PPP1R8: variants seen among roughly 807,000 people sequenced by gnomAD.
PPP1R8 encodes the protein protein phosphatase 1 regulatory subunit 8, also known as nuclear inhibitor of protein phosphatase 1.
In PPP1R8, 4 loss-of-function variants were observed where a neutral mutation model predicts 31.3. The observed-to-expected ratio is 0.13, with a 90% CI of 0.06 to 0.29. The LOEUF is 0.29. Among genes scored for constraint, PPP1R8 ranks in the 10% least tolerant of loss-of-function variants. PPP1R8 has a pLI of 1.00. For synonymous variants in PPP1R8, 170 were observed against 169.7 expected (o/e 1.00, Z -0.01); for missense variants, 254 against 440.1 (o/e 0.58, Z 3.78).
In PPP1R8 at chr1:27,844,038, T is replaced by G. The variant is rs1427246548; in HGVS notation, c.637+708T>G. Among the ~76,000 whole-genome samples, 4 of 152,258 alleles carry G rather than the reference T, an allele frequency of 2.6e-5. No homozygotes were observed. In the East Asian group the frequency reaches 7.7e-4, roughly 29 times the overall value. ...GTGTGTGTGAGACACGATCTCATTC[T>G]GTCGCCCAGGCTAGAGTGCAGTGGC... On this transcript the variant is annotated intron_variant, in intron 5 of 6. Transcript: ENST00000311772.
Position 27,850,197 on chromosome 1 carries a change from C to T in PPP1R8, c.807C>T (p.Pro269=), listed in dbSNP as rs150551499. 1,783 of 1,614,196 alleles carry T rather than the reference C, an allele frequency of 1.1e-3. 3 individuals are homozygous for T. The highest frequency in any genetic ancestry group is 1.3e-3 in the Middle Eastern group (8 of 6,062). ...GAGGACTCTACGGGGGCCTGCCCCCCACACACAGTGAAGCAGGCTCCCAGC... is the reference window on the plus strand; with the variant it reads ...GAGGACTCTACGGGGGCCTGCCCCCTACACACAGTGAAGCAGGCTCCCAGC... ...FSGGLYGGLP[P]THSEAGSQPH... Residue 269 remains proline (P), a synonymous_variant, in exon 7 of 7, where the codon CCC becomes CCT. Coordinates refer to ENST00000311772, the MANE Select transcript of PPP1R8 (RefSeq NM_014110.5).
At chr1:27,849,323 A>T (rs1451392681) in intron 6 of PPP1R8, among the ~76,000 whole-genome samples, 1 of 149,914 alleles carries the variant, frequency 6.7e-6, no homozygotes, top group East Asian at 2.0e-4. Flanking sequence ...GTGAGCTGAG[A>T]TCGAGCCATT....
At position 27,850,118 on chromosome 1, in the gene PPP1R8, C is replaced by T; in HGVS notation, c.728C>T (p.Ser243Phe). The T allele has an allele frequency of 6.3e-7, 1 of 1,590,754 alleles. No individual in the cohort carries two copies. Among genetic ancestry groups the T allele is most frequent in the Non-Finnish European group, 8.6e-7 (1 of 1,166,588 alleles). ...AAGAAGCGTGTGGAGGGCCCTGGCTCCCTGGGCCTGGAGGAATCAGGGAGC... is the reference window on the plus strand; with the variant it reads ...AAGAAGCGTGTGGAGGGCCCTGGCTTCCTGGGCCTGGAGGAATCAGGGAGC... Reference protein sequence around the residue: ...VKKKRVEGPGSLGLEESGSRR... With the variant: ...VKKKRVEGPGFLGLEESGSRR... Residue 243 changes from serine (S) to phenylalanine (F), a missense_variant, in exon 7 of 7, where the codon TCC becomes TTC. By Grantham distance (155) the Ser-to-Phe change is radical (BLOSUM62 -2). This residue lies in a region of PPP1R8 where 105 missense variants were observed against 128.0 expected (regional missense o/e 0.82). Transcript: ENST00000311772.
chr1:27,839,380 T>C (rs548368349), intron 3 of PPP1R8, among the ~76,000 whole-genome samples: 3 of 151,868 alleles, frequency 2.0e-5, no homozygotes, highest in Non-Finnish European at 4.4e-5. Flanking sequence ...ATACAAAAAT[T>C]AGCTGGGTGT....
Position 27,846,306 on chromosome 1 carries a change from C to T in PPP1R8, c.638-722C>T, listed in dbSNP as rs139285947. Among the ~76,000 whole-genome samples, 488 of 152,360 alleles carry T rather than the reference C, an allele frequency of 3.2e-3. 2 individuals carry two copies. Among genetic ancestry groups the T allele is most frequent in the African/African-American group, 7.5e-3 (313 of 41,584 alleles). On this transcript the variant is annotated intron_variant, in intron 5 of 6. Transcript: ENST00000311772. ...ATCCTTGGTGATCCAGCCCAGTCAT[C>T]CCCTCTGTGCTCCAGAAACACTGTT... is the stretch of plus-strand genomic sequence containing the variant.
intron 4 of PPP1R8, among the ~76,000 whole-genome samples, chr1:27,842,534 A>G (rs1242296070): frequency 6.6e-6 from 1 of 152,128 alleles, no homozygotes; most frequent in African/African-American, 2.4e-5. Context: ...TAAGACATTT[A>G]GAATATCTCA....
chr1:27,835,885 A>G (rs1351518591), intron 2 of PPP1R8, among the ~76,000 whole-genome samples: 1 of 152,204 alleles, frequency 6.6e-6, no homozygotes, highest in Non-Finnish European at 1.5e-5. Flanking sequence ...TACCCACCTC[A>G]TAGGGTGGTT....
At position 27,850,096 on chromosome 1, in the gene PPP1R8, A is replaced by C. The variant is rs778030881; in HGVS notation, c.706A>C (p.Lys236Gln). Reference protein sequence around the residue: ...VQTAVVPVKKKRVEGPGSLGL... With the variant: ...VQTAVVPVKKQRVEGPGSLGL... ...CTCTCCTCATCGTGAACTGTAGAAG[A>C]AGCGTGTGGAGGGCCCTGGCTCCCT... is the stretch of plus-strand genomic sequence containing the variant. Residue 236 changes from lysine to glutamine, a missense_variant, in exon 7 of 7, where the codon AAG (lysine) becomes CAG (glutamine). This residue lies in a region of PPP1R8 where 105 missense variants were observed against 128.0 expected (regional missense o/e 0.82). Transcript: ENST00000311772. 6.4e-7 allele frequency: 1 copy of C among 1,564,906 alleles called. No homozygotes were observed. Among genetic ancestry groups the C allele is most frequent in the Non-Finnish European group, 8.7e-7 (1 of 1,154,042 alleles).
At chr1:27,834,275 GT>G in intron 2 of PPP1R8, 1 of 366,060 alleles carries the variant, frequency 2.7e-6, no homozygotes, top group Non-Finnish European at 5.5e-6. Context: ...AGCTGATAAC[GT>G]TCTCTTTCGA....
chr1:27,845,063 G>C lies in PPP1R8; in HGVS notation c.637+1733G>C, dbSNP rs1291768621. Among the ~76,000 whole-genome samples the C allele has an allele frequency of 4.8e-5, 7 of 145,710 alleles. No homozygotes were observed. The East Asian group carries it at 1.5e-3, about 30-fold the overall frequency. ...AATTTCTTAAGTCTCTTTCAGGAGT[G>C]AGGATCTGATCTGCTCTGTTTTTCT... On this transcript the variant is annotated intron_variant, in intron 5 of 6. Coordinates refer to ENST00000311772, the MANE Select transcript of PPP1R8 (RefSeq NM_014110.5).
chr1:27,848,621 C>CT lies in PPP1R8; in HGVS notation c.703-1471dup, dbSNP rs774432804. Among the ~76,000 whole-genome samples the CT allele has an allele frequency of 2.6e-3, 398 of 152,164 alleles. 4 individuals are homozygous for CT. The highest frequency in any genetic ancestry group is 0.01 in the Middle Eastern group (3 of 294). ...TTTACTTTTTATAAAAAAAAAATCT[C>CT]TAAAATATATTAGACTAAGTAAGAT... is the stretch of plus-strand genomic sequence containing the variant. On this transcript the variant is annotated intron_variant, in intron 6 of 6. Transcript: ENST00000311772.
At chr1:27,845,665 G>A (rs1380984508) in intron 5 of PPP1R8, among the ~76,000 whole-genome samples, 1 of 151,418 alleles carries the variant, frequency 6.6e-6, no homozygotes, top group Non-Finnish European at 1.5e-5. Flanking sequence ...ATCCTAATAT[G>A]TGAAAAAATC....
intron 3 of PPP1R8, among the ~76,000 whole-genome samples, chr1:27,840,214 C>T (rs942498232): frequency 1.3e-5 from 2 of 152,066 alleles, no homozygotes; most frequent in African/African-American, 2.4e-5. Flanking sequence ...TCATTTTGCC[C>T]GTGTGTGAAT....
chr1:27,837,135 C>A (rs191653669), intron 2 of PPP1R8, among the ~76,000 whole-genome samples: 1 of 151,102 alleles, frequency 6.6e-6, no homozygotes, highest in Non-Finnish European at 1.5e-5. Flanking sequence ...ACTCTTCATA[C>A]AATTGTTGAT....
chr1:27,840,646 A>C (rs1209125377), intron 3 of PPP1R8, among the ~76,000 whole-genome samples: 7 of 152,166 alleles, frequency 4.6e-5, no homozygotes, highest in Admixed American at 3.9e-4. Flanking sequence ...TATTTGACCC[A>C]GAATGGAGCC....
intron 2 of PPP1R8, among the ~76,000 whole-genome samples, chr1:27,833,072 C>T (rs2089127360): frequency 6.6e-6 from 1 of 152,166 alleles, no homozygotes; most frequent in African/African-American, 2.4e-5. Context: ...CCCAGTCAAA[C>T]TGGAAGCCCT....
Position 27,850,270 on chromosome 1 carries a change from T to C in PPP1R8, c.880T>C (p.Tyr294His), listed in dbSNP as rs776012704. The change falls in exon 7 of 7, where the codon TAC (tyrosine) becomes CAC (histidine). Residue 294 changes from tyrosine to histidine, a missense_variant. Tyr to His is a moderately conservative substitution (Grantham distance 83). Around this residue, in one of 6 missense-constraint regions of PPP1R8, gnomAD observed 105 missense variants for 128.0 expected, o/e 0.82. Coordinates refer to ENST00000311772, the MANE Select transcript of PPP1R8 (RefSeq NM_014110.5). ...ACTCATCGGTGGCTTGCCCATGCCA[T>C]ACCCAAACCTTGCCCCTGATGTGGA... ...TALIGGLPMP[Y>H]PNLAPDVDLT... The C allele has an allele frequency of 4.3e-6, 7 of 1,614,206 alleles. No homozygotes were observed. The highest frequency in any genetic ancestry group is 5.9e-6 in the Non-Finnish European group (7 of 1,180,036).
intron 1 of PPP1R8, chr1:27,831,481 A>T: frequency 2.1e-6 from 1 of 485,264 alleles, no homozygotes; most frequent in Non-Finnish European, 2.7e-6. Flanking sequence ...GGAATAATGA[A>T]ATAATTTAAT....
intron 3 of PPP1R8, among the ~76,000 whole-genome samples, chr1:27,840,004 G>A (rs1009311657): frequency 4.6e-5 from 7 of 152,034 alleles, no homozygotes; most frequent in Non-Finnish European, 7.4e-5. Flanking sequence ...AGGTTGCAGC[G>A]AGCCATTATC....
Sources: allele counts gnomAD v4.1 joint callset (sites outside exome capture counted in the v4.1 genomes callset), GRCh38; gene constraint gnomAD v4.1.1; regional missense constraint gnomAD v4.1.1; transcripts MANE v1.5; gene names NCBI Gene and HGNC (gene_info 2026-07-23, HGNC 2026-07-21).